Variants in NPAS3 observed in about 807,000 individuals in gnomAD.
The protein encoded by NPAS3 is neuronal PAS domain protein 3.
NPAS3 carries 14 observed loss-of-function variants against 73.1 expected under a neutral mutation model. The ratio of observed to expected loss-of-function variants is 0.19; its 90% confidence interval spans 0.13 to 0.30. The LOEUF is 0.30. Ranked by LOEUF, NPAS3 falls within the 10% of genes least tolerant of loss-of-function variation. The pLI is 1.00. For synonymous variants in NPAS3, 620 were observed against 541.5 expected, an observed-to-expected ratio of 1.14 and a Z score of -2.01; for missense variants, 1,096 against 1,250.0, an observed-to-expected ratio of 0.88 and a Z score of 1.86.
chr14:33,295,093 G>C (rs962982148), intron 3 of NPAS3, among the ~76,000 whole-genome samples: 9 of 152,160 alleles, frequency 5.9e-5, no homozygotes, highest in African/African-American at 9.7e-5. Context: ...TTTCAACCAA[G>C]TGTGTTGTTG....
intron 3 of NPAS3, among the ~76,000 whole-genome samples, chr14:33,215,921 T>C (rs2047206914): frequency 6.6e-6 from 1 of 152,210 alleles, no homozygotes. Context: ...TTTCTCTATA[T>C]ACATATTACC....
intron 6 of NPAS3, among the ~76,000 whole-genome samples, chr14:33,676,901 C>A (rs1432970056): frequency 6.6e-6 from 1 of 152,126 alleles, no homozygotes. Flanking sequence ...ACATTTTAAA[C>A]TGCCTTTCTA....
At chr14:33,280,744 T>A (rs1011610768) in intron 3 of NPAS3, among the ~76,000 whole-genome samples, 4 of 152,198 alleles carry the variant, frequency 2.6e-5, no homozygotes, top group African/African-American at 9.7e-5. Context: ...GATATTCTGC[T>A]GCTTCAAATT....
intron 3 of NPAS3, among the ~76,000 whole-genome samples, chr14:33,226,931 T>C (rs1378845639): frequency 6.6e-6 from 1 of 152,246 alleles, no homozygotes; most frequent in African/African-American, 2.4e-5. Flanking sequence ...CTTTAAAATA[T>C]TGGCTTTCTT....
intron 4 of NPAS3, among the ~76,000 whole-genome samples, chr14:33,464,094 A>G (rs1365870160): frequency 6.6e-6 from 1 of 152,204 alleles, no homozygotes; most frequent in Non-Finnish European, 1.5e-5. Flanking sequence ...CACACATGAT[A>G]TCCCAAAACA....
chr14:33,168,847 TAAGAAAGTAAAAAATGAGTCTTTCTCA>T (rs954464253), intron 2 of NPAS3, among the ~76,000 whole-genome samples: 2 of 152,234 alleles, frequency 1.3e-5, no homozygotes, highest in Non-Finnish European at 2.9e-5. Context: ...GCTCAAGCTC[TAAGAAAGTAAAAAATGAGTCTTTCTCA>T]AAGAGGATTT....
intron 5 of NPAS3, among the ~76,000 whole-genome samples, chr14:33,639,791 G>A (rs750415677): frequency 8.5e-5 from 13 of 152,220 alleles, no homozygotes; most frequent in Non-Finnish European, 1.5e-4. Context: ...AAAGAGAAAA[G>A]TAAAAGTGTT....
chr14:33,332,591 G>A (rs550515043), intron 3 of NPAS3, among the ~76,000 whole-genome samples: 86 of 152,192 alleles, frequency 5.7e-4, no homozygotes, highest in African/African-American at 1.8e-3. Context: ...ACCATGTCAC[G>A]TCCCCTTAAC....
intron 4 of NPAS3, among the ~76,000 whole-genome samples, chr14:33,469,189 A>C (rs1339714886): frequency 6.6e-6 from 1 of 152,178 alleles, no homozygotes; most frequent in Non-Finnish European, 1.5e-5. Flanking sequence ...TACATGTTTA[A>C]ACCTTTAAAA....
At chr14:32,998,447 G>C (rs1255268754) in intron 1 of NPAS3, among the ~76,000 whole-genome samples, 3 of 152,172 alleles carry the variant, frequency 2.0e-5, no homozygotes, top group Non-Finnish European at 4.4e-5. Context: ...TTTGGAATTA[G>C]ATAGAGGTAG....
intron 3 of NPAS3, among the ~76,000 whole-genome samples, chr14:33,308,799 T>C (rs1035910107): frequency 6.6e-6 from 1 of 152,024 alleles, no homozygotes; most frequent in Non-Finnish European, 1.5e-5. Context: ...TAAAAGCCTT[T>C]TTAAAAAAAT....
At chr14:33,358,169 G>C (rs1190083393) in intron 3 of NPAS3, among the ~76,000 whole-genome samples, 1 of 152,184 alleles carries the variant, frequency 6.6e-6, no homozygotes, top group Non-Finnish European at 1.5e-5. Flanking sequence ...CGGTTGCCCA[G>C]CACGGTGCCA....
At chr14:33,090,768 T>A (rs1237756989) in intron 2 of NPAS3, among the ~76,000 whole-genome samples, 1 of 152,158 alleles carries the variant, frequency 6.6e-6, no homozygotes, top group Admixed American at 6.5e-5. Context: ...CCTTAGCAAA[T>A]GTAAAAGAAC....
At chr14:33,341,554 G>C (rs534268570) in intron 3 of NPAS3, among the ~76,000 whole-genome samples, 43 of 152,130 alleles carry the variant, frequency 2.8e-4, no homozygotes, top group Non-Finnish European at 4.3e-4. Flanking sequence ...AGGGATGCGG[G>C]AGGGAAGTGG....
At chr14:33,779,541 A>G (rs1033653532) in intron 9 of NPAS3, among the ~76,000 whole-genome samples, 2 of 152,164 alleles carry the variant, frequency 1.3e-5, no homozygotes, top group African/African-American at 4.8e-5. Context: ...ACTACCTACC[A>G]CATATATGAT....
chr14:33,396,936 A>G (rs548329950), intron 4 of NPAS3, among the ~76,000 whole-genome samples: 15 of 152,226 alleles, frequency 9.9e-5, no homozygotes, highest in South Asian at 4.1e-4. Context: ...CACTTATTCC[A>G]TTGTGACCTT....
chr14:33,516,858 AG>A (rs2053324067), intron 4 of NPAS3, among the ~76,000 whole-genome samples: 1 of 151,992 alleles, frequency 6.6e-6, no homozygotes, highest in Non-Finnish European at 1.5e-5. Context: ...TGGCCTTTGG[AG>A]TTTTATCATG....
At chr14:33,318,019 G>T (rs2043279017) in intron 3 of NPAS3, among the ~76,000 whole-genome samples, 1 of 152,002 alleles carries the variant, frequency 6.6e-6, no homozygotes, top group Non-Finnish European at 1.5e-5. Context: ...CAAAAGCAGG[G>T]TCTTGAAGAG....
intron 6 of NPAS3, among the ~76,000 whole-genome samples, chr14:33,677,418 A>G (rs373218879): frequency 6.6e-6 from 1 of 152,154 alleles, no homozygotes; most frequent in African/African-American, 2.4e-5. Context: ...TACTTGGAAA[A>G]TTATTTTTTC....
Sources: gnomAD v4.1 joint callset for allele counts (sites outside exome capture counted in the v4.1 genomes callset) on GRCh38, gnomAD v4.1.1 for gene constraint, MANE v1.5 for transcripts, NCBI Gene and HGNC (gene_info 2026-07-23, HGNC 2026-07-21) for gene names.